Variants in CHN2 observed in about 807,000 individuals in gnomAD.
The protein encoded by CHN2 is chimerin 2, also known as beta-chimaerin.
In CHN2, 35 loss-of-function variants were observed where a neutral mutation model predicts 56.3. The ratio of observed to expected loss-of-function variants is 0.62; its 90% CI spans 0.47 to 0.82. The LOEUF is 0.82. Ranked by LOEUF, CHN2 falls within the 40% of genes least tolerant of loss-of-function variation. The pLI, the probability that CHN2 is intolerant of heterozygous loss-of-function variation, is 0.00. For synonymous variants in CHN2, 210 were observed against 212.8 expected (o/e 0.99, Z 0.12); for missense variants, 491 against 580.5 (o/e 0.85, Z 1.58).
chr7:29,227,937 A>G (rs577814892), intron 1 of CHN2, among the ~76,000 whole-genome samples: 1 of 152,276 alleles, frequency 6.6e-6, no homozygotes, highest in African/African-American at 2.4e-5. Context: ...ATAAATCAAG[A>G]TTGAAAAATC....
chr7:29,348,313 G>A (rs1376706999), intron 1 of CHN2, among the ~76,000 whole-genome samples: 1 of 152,148 alleles, frequency 6.6e-6, no homozygotes, highest in East Asian at 1.9e-4. Context: ...TAGCACGTAA[G>A]GTTTTCTTAA....
intron 6 of CHN2, among the ~76,000 whole-genome samples, chr7:29,462,538 G>C (rs1785240519): frequency 6.6e-6 from 1 of 152,140 alleles, no homozygotes; most frequent in Admixed American, 6.5e-5. Context: ...CCTGAGCTGG[G>C]AAGACTCTCA....
intron 1 of CHN2, among the ~76,000 whole-genome samples, chr7:29,305,551 A>C (rs543172735): frequency 5.3e-5 from 8 of 152,328 alleles, no homozygotes; most frequent in African/African-American, 1.4e-4. Context: ...GCATGATAAA[A>C]TGGAAAGTTG....
chr7:29,476,101 T>C (rs1786564890), intron 6 of CHN2, among the ~76,000 whole-genome samples: 1 of 152,230 alleles, frequency 6.6e-6, no homozygotes, highest in African/African-American at 2.4e-5. Flanking sequence ...GCTCAGTTAG[T>C]TGTGCCTATA....
intron 1 of CHN2, among the ~76,000 whole-genome samples, chr7:29,315,096 T>G (rs1326096681): frequency 3.3e-5 from 5 of 152,208 alleles, no homozygotes; most frequent in Non-Finnish European, 7.3e-5. Flanking sequence ...TATTATTTTT[T>G]TCATATTTCT....
intron 6 of CHN2, among the ~76,000 whole-genome samples, chr7:29,470,217 C>T (rs1014502952): frequency 5.9e-5 from 9 of 152,196 alleles, no homozygotes; most frequent in African/African-American, 2.2e-4. Context: ...AGCTAGTCTT[C>T]CCAAACACAA....
chr7:29,202,443 A>C (rs1784231516), intron 1 of CHN2, among the ~76,000 whole-genome samples: 1 of 152,240 alleles, frequency 6.6e-6, no homozygotes, highest in Non-Finnish European at 1.5e-5. Flanking sequence ...GTTCTCCTTG[A>C]ACTTCTGTTA....
At chr7:29,158,003 G>A (rs1198064089) in intron 2 of CHN2, among the ~76,000 whole-genome samples, 1 of 152,158 alleles carries the variant, frequency 6.6e-6, no homozygotes, top group Non-Finnish European at 1.5e-5. Context: ...GAAACGGAAG[G>A]AAGTGTTATC....
At chr7:29,214,026 C>G (rs187487864) in intron 1 of CHN2, among the ~76,000 whole-genome samples, 22 of 152,288 alleles carry the variant, frequency 1.4e-4, no homozygotes, top group Non-Finnish European at 2.4e-4. Context: ...TGAAATGAAG[C>G]CGTGGTCATG....
intron 1 of CHN2, among the ~76,000 whole-genome samples, chr7:29,264,126 C>T: frequency 6.8e-6 from 1 of 147,484 alleles, no homozygotes; most frequent in East Asian, 2.5e-4. Flanking sequence ...TGAGGAGCCC[C>T]TCTGCCCGGC....
intron 12 of CHN2, among the ~76,000 whole-genome samples, chr7:29,511,540 T>C (rs942622861): frequency 1.8e-4 from 27 of 152,194 alleles, no homozygotes; most frequent in Non-Finnish European, 8.8e-5. Context: ...AAGAGGAAAC[T>C]GTGGGCACTT....
rs556813010 is a variant in CHN2, at chr7:29,268,095, CTTTAT to C, written c.49+73113_49+73117del. Among the ~76,000 whole-genome samples the C allele has an allele frequency of 4.0e-3, 611 of 152,124 alleles. 3 individuals are homozygous for C. Among genetic ancestry groups the C allele is most frequent in the African/African-American group, 0.014 (595 of 41,498 alleles). On this transcript the variant is annotated intron_variant, in intron 1 of 12. Transcript: ENST00000222792. ...TTAGGACAGAAGTCCTTTTGAGTAT[CTTTAT>C]TTTATTTGTTTAGTGAAACTCCTGA...
chr7:29,189,713 T>A (rs1007013257), intron 2 of CHN2, among the ~76,000 whole-genome samples: 1 of 151,158 alleles, frequency 6.6e-6, no homozygotes, highest in Non-Finnish European at 1.5e-5. Context: ...CTTCTCCCTC[T>A]CTGTCTTTCC....
At position 29,263,727 on chromosome 7, in the gene CHN2, T is replaced by A. The variant is rs1270327808; in HGVS notation, c.49+68737T>A. Among the ~76,000 whole-genome samples, 3 of 148,256 alleles carry A rather than the reference T, an allele frequency of 2.0e-5. No homozygotes were observed. The East Asian group carries it at 6.2e-4, about 31-fold the overall frequency. ...TGTCTCTGCCCGGCCGCCCATCATC[T>A]GGGATGTGGGGAGCGCCTCTGCCCC... On this transcript the variant is annotated intron_variant, in intron 1 of 12. Transcript: ENST00000222792.
At chr7:29,246,458 T>TTATTGGCA (rs1788083673) in intron 1 of CHN2, among the ~76,000 whole-genome samples, 1 of 152,148 alleles carries the variant, frequency 6.6e-6, no homozygotes, top group Non-Finnish European at 1.5e-5. Context: ...AGTAAAGCCA[T>TTATTGGCA]TATTGGCATA....
chr7:29,356,972 T>C (rs948335540), intron 2 of CHN2, among the ~76,000 whole-genome samples: 5 of 152,166 alleles, frequency 3.3e-5, no homozygotes, highest in African/African-American at 1.2e-4. Context: ...GTTGAGAGAA[T>C]GCCACCACCG....
intron 2 of CHN2, among the ~76,000 whole-genome samples, chr7:29,148,874 CAG>C (rs1793154983): frequency 6.6e-6 from 1 of 152,088 alleles, no homozygotes; most frequent in Non-Finnish European, 1.5e-5. Flanking sequence ...GAACAGAGGA[CAG>C]GGACCAAATG....
At chr7:29,363,214 G>A (rs1253440367) in intron 2 of CHN2, among the ~76,000 whole-genome samples, 1 of 152,212 alleles carries the variant, frequency 6.6e-6, no homozygotes, top group Non-Finnish European at 1.5e-5. Context: ...GGCTGAGCGT[G>A]GTGGCTCACG....
chr7:29,350,711 T>A (rs1269031367), intron 1 of CHN2, among the ~76,000 whole-genome samples: 1 of 152,190 alleles, frequency 6.6e-6, no homozygotes, highest in Non-Finnish European at 1.5e-5. Flanking sequence ...GGCGAGGTGA[T>A]GTAACAATAA....
Sources: gnomAD v4.1 joint callset for allele counts (sites outside exome capture counted in the v4.1 genomes callset) on GRCh38, gnomAD v4.1.1 for gene constraint, MANE v1.5 for transcripts, NCBI Gene and HGNC (gene_info 2026-07-23, HGNC 2026-07-21) for gene names.